Variants in PLD1 observed in about 807,000 individuals in gnomAD.
The protein encoded by PLD1 is phospholipase D1, also known as choline phosphatase 1.
A neutral mutation model predicts 137.1 loss-of-function variants in PLD1; 112 were observed. That is an observed-to-expected ratio of 0.82 (90% confidence interval 0.70 to 0.96). PLD1 has a LOEUF of 0.96. PLD1 is among the 40% of genes least tolerant of loss of function. The pLI is 0.00. For synonymous variants in PLD1, 431 were observed against 454.7 expected, an observed-to-expected ratio of 0.95 and a Z score of 0.66; for missense variants, 1,321 against 1,342.0, an observed-to-expected ratio of 0.98 and a Z score of 0.24.
intron 1 of PLD1, among the ~76,000 whole-genome samples, chr3:171,763,752 G>A (rs1246082447): frequency 6.6e-6 from 1 of 150,944 alleles, no homozygotes; most frequent in Non-Finnish European, 1.5e-5. Context: ...ATTCTTGTAA[G>A]CCAATTCAAA....
intron 2 of PLD1, 81 bp from the exon 3 acceptor site, chr3:171,737,740 G>A (rs760977856): frequency 1.8e-4 from 223 of 1,268,382 alleles, no homozygotes; most frequent in Middle Eastern, 2.2e-4. Context: ...TAAGAATCAC[G>A]TGTTAAAACA....
intron 1 of PLD1, among the ~76,000 whole-genome samples, chr3:171,805,601 A>T (rs1723812015): frequency 6.6e-6 from 1 of 152,168 alleles, no homozygotes; most frequent in Admixed American, 6.5e-5. Context: ...CTACCCTTTG[A>T]CATACCCATG....
rs373556759 is a variant in PLD1 at position 171,612,468 on chromosome 3, T to C, written c.2729-36A>G. 3.7e-6 allele frequency: 6 copies of C among 1,604,228 alleles called. No homozygotes were observed. In the African/African-American group the frequency reaches 6.7e-5, roughly 18 times the overall value. ...AAACAGTGAGGCTGAACAACCTTCC[T>C]GTTGTGGCAGACACTGTTGGTTGCC... On this transcript the variant is annotated intron_variant, in intron 24 of 26. Transcript: ENST00000351298. The surrounding 1 kb of genome is among the most constrained non-coding windows in gnomAD (Gnocchi z 4.1).
At chr3:171,705,626 C>A (rs924550362) in intron 11 of PLD1, among the ~76,000 whole-genome samples, 1 of 152,092 alleles carries the variant, frequency 6.6e-6, no homozygotes, top group Non-Finnish European at 1.5e-5. Flanking sequence ...CAACATGAAA[C>A]GATGTTGCTG....
intron 6 of PLD1, among the ~76,000 whole-genome samples, chr3:171,730,939 C>T (rs1718896347): frequency 1.3e-5 from 2 of 152,290 alleles, no homozygotes; most frequent in Admixed American, 6.5e-5. Flanking sequence ...GCGCCCAGCC[C>T]TGTCTCCACT....
intron 24 of PLD1, among the ~76,000 whole-genome samples, 199 bp downstream of exon 24, chr3:171,620,187 C>CTATTCTG (rs1733468695): frequency 1.3e-5 from 2 of 152,228 alleles, no homozygotes; most frequent in East Asian, 3.9e-4. Context: ...ATATATACAC[C>CTATTCTG]TATTCTGTAC....
At chr3:171,628,424 C>T (rs1734335919) in intron 23 of PLD1, among the ~76,000 whole-genome samples, 2 of 152,138 alleles carry the variant, frequency 1.3e-5, no homozygotes, top group Non-Finnish European at 2.9e-5. Context: ...CCGAATACTA[C>T]CAGAGGTATA....
chr3:171,757,353 C>A (rs1484117682), intron 1 of PLD1, among the ~76,000 whole-genome samples: 1 of 152,092 alleles, frequency 6.6e-6, no homozygotes, highest in African/African-American at 2.4e-5. Context: ...AAAAAACAAT[C>A]AGATAAAGAA....
chr3:171,717,257 G>C (rs56098598), intron 8 of PLD1, among the ~76,000 whole-genome samples: 1,920 of 152,278 alleles, frequency 0.013, 37 homozygotes, highest in African/African-American at 0.04. Flanking sequence ...GTTATTGGTA[G>C]TTTGGTGGGA....
rs71178234 is a variant in PLD1, at chr3:171,763,830, C to CT, written c.-31-25749dup. 2.2e-3 allele frequency among the ~76,000 whole-genome samples: 188 copies of CT among 86,660 alleles called. 3 individuals are homozygous for CT. Among genetic ancestry groups the CT allele is most frequent in the East Asian group, 7.2e-3 (21 of 2,920 alleles). 56.9% of individuals were successfully genotyped at this position (86,660 alleles called of 152,430 possible). On this transcript the variant is annotated intron_variant, in intron 1 of 26. Transcript: ENST00000351298. Reference sequence around the variant, plus strand: ...ATTATACAGCTTATTTTCTTTCTTTCTTTTTTTTTTTTTTTTTTTTTTGAG... The same window carrying CT: ...ATTATACAGCTTATTTTCTTTCTTTCTTTTTTTTTTTTTTTTTTTTTTTGAG...
intron 21 of PLD1, among the ~76,000 whole-genome samples, chr3:171,658,203 C>T: frequency 6.6e-6 from 1 of 152,148 alleles, no homozygotes; most frequent in East Asian, 1.9e-4. Flanking sequence ...GAAACTGGAC[C>T]TCTCATATAC....
intron 1 of PLD1, among the ~76,000 whole-genome samples, chr3:171,774,689 G>C (rs1722530498): frequency 6.6e-6 from 1 of 152,228 alleles, no homozygotes; most frequent in Non-Finnish European, 1.5e-5. Context: ...GGAGGCTTGT[G>C]CCGTAAACCC....
At chr3:171,642,458 A>C (rs1006992533) in intron 23 of PLD1, among the ~76,000 whole-genome samples, 1 of 119,678 alleles carries the variant, frequency 8.4e-6, no homozygotes, top group Non-Finnish European at 1.6e-5. Context: ...ACCCAGTCTC[A>C]AAAAAAAAAA....
chr3:171,652,659 T>G (rs531624722), intron 21 of PLD1, among the ~76,000 whole-genome samples: 1 of 151,606 alleles, frequency 6.6e-6, no homozygotes, highest in African/African-American at 2.4e-5. Context: ...TGGAGTGCAG[T>G]GGTGCAATCA....
At chr3:171,641,547 C>G (rs7622276) in intron 23 of PLD1, among the ~76,000 whole-genome samples, 78,881 of 151,942 alleles carry the variant, frequency 0.52, 21,789 homozygotes, top group African/African-American at 0.72. Flanking sequence ...ATACTCAATT[C>G]AGGTTTATAT....
At chr3:171,646,992 G>A (rs569451933) in intron 21 of PLD1, among the ~76,000 whole-genome samples, 1 of 152,154 alleles carries the variant, frequency 6.6e-6, no homozygotes, top group African/African-American at 2.4e-5. Flanking sequence ...AAGCCACTTG[G>A]CTCTTCCAGT....
chr3:171,694,296 T>C (rs1715481555), intron 12 of PLD1, among the ~76,000 whole-genome samples: 1 of 152,152 alleles, frequency 6.6e-6, no homozygotes, highest in African/African-American at 2.4e-5. Context: ...AGCTGGCTTT[T>C]AGTACTTGCT....
At chr3:171,757,407 G>A (rs998624308) in intron 1 of PLD1, among the ~76,000 whole-genome samples, 1 of 152,020 alleles carries the variant, frequency 6.6e-6, no homozygotes, top group Non-Finnish European at 1.5e-5. Flanking sequence ...TTAAGACAGG[G>A]TTCCAAAAAA....
intron 23 of PLD1, among the ~76,000 whole-genome samples, chr3:171,621,034 C>A (rs1733592607): frequency 6.6e-6 from 1 of 151,756 alleles, no homozygotes; most frequent in Admixed American, 6.6e-5. Context: ...GCATATTCAG[C>A]GTGAAGCATC....
Sources: allele counts gnomAD v4.1 joint callset (sites outside exome capture counted in the v4.1 genomes callset), GRCh38; gene constraint gnomAD v4.1.1; non-coding constraint Gnocchi (gnomAD v3.1); transcripts MANE v1.5; gene names NCBI Gene and HGNC (gene_info 2026-07-23, HGNC 2026-07-21).